Variants in SLC4A4 observed in about 807,000 individuals in gnomAD.
SLC4A4 encodes electrogenic sodium bicarbonate cotransporter 1.
Under a neutral mutation model 111.5 loss-of-function variants are expected in SLC4A4, and 27 were observed. That is an observed-to-expected ratio of 0.24 (90% CI 0.18 to 0.33). The LOEUF is 0.33. Among genes scored for constraint, SLC4A4 ranks in the 10% least tolerant of loss-of-function variants. SLC4A4 has a pLI of 1.00. For synonymous variants in SLC4A4, 443 were observed against 463.4 expected, an observed-to-expected ratio of 0.96 and a Z score of 0.57; for missense variants, 909 against 1,315.5, an observed-to-expected ratio of 0.69 and a Z score of 4.78.
intron 20 of SLC4A4, among the ~76,000 whole-genome samples, chr4:71,549,158 C>A (rs1182524106): frequency 6.6e-6 from 1 of 151,774 alleles, no homozygotes; most frequent in Non-Finnish European, 1.5e-5. Context: ...CAGAGGGAAA[C>A]CTTTTGTCAC....
chr4:71,305,596 A>T (rs1009364409), intron 3 of SLC4A4, among the ~76,000 whole-genome samples: 1 of 152,234 alleles, frequency 6.6e-6, no homozygotes, highest in Admixed American at 6.5e-5. Context: ...TAGAGCTGGG[A>T]TATGCAAAAC....
rs577023993 is a variant in SLC4A4 at position 71,461,652 on chromosome 4, A to T, written c.1498-4792A>T. Among the ~76,000 whole-genome samples, 7 of 151,994 alleles carry T rather than the reference A, an allele frequency of 4.6e-5. No individual in the cohort carries two copies. In the East Asian group the frequency reaches 1.4e-3, roughly 29 times the overall value. On this transcript the variant is annotated intron_variant, in intron 12 of 25. Coordinates refer to ENST00000264485, the MANE Select transcript of SLC4A4 (RefSeq NM_001098484.3). ...TATTACAAATTGTGGTTGGCTTTTA[A>T]TTTTTTTTAGAATCTTGCTCCTATG... is the stretch of plus-strand genomic sequence containing the variant.
chr4:71,563,797 A>G lies in SLC4A4; in HGVS notation c.3104A>G (p.Asp1035Gly). ...TCTTGTACATTTTTTTCACAGTCTG[A>G]CTGCCCATACTCAGAAAAAGTTCCA... ...GSLDSDNDDSDCPYSEKVPSI... is the reference protein window; with the variant it reads ...GSLDSDNDDSGCPYSEKVPSI... Residue 1035 changes from aspartate to glycine, a missense_variant, in exon 24 of 26, where the codon GAC becomes GGC. Physicochemically the swap from Asp to Gly is moderately conservative, Grantham distance 94. Transcript: ENST00000264485. 6.3e-7 allele frequency: 1 copy of G among 1,599,754 alleles called. No homozygotes were observed. The highest frequency in any genetic ancestry group is 8.6e-7 in the Non-Finnish European group (1 of 1,167,658).
At chr4:71,487,103 CT>C in intron 15 of SLC4A4, 85 bp downstream of exon 15, 1 of 817,316 alleles carries the variant, frequency 1.2e-6, no homozygotes, top group Non-Finnish European at 2.1e-6. Flanking sequence ...ATGATGTCTT[CT>C]ACCACTCAGC....
At chr4:71,165,658 C>A (rs989954744) in intron 2 of SLC4A4, among the ~76,000 whole-genome samples, 4 of 152,090 alleles carry the variant, frequency 2.6e-5, no homozygotes, top group Non-Finnish European at 4.4e-5. Context: ...AGCTATGTAA[C>A]AAACCTGCAC....
intron 7 of SLC4A4, among the ~76,000 whole-genome samples, chr4:71,423,516 A>T (rs1179015581): frequency 1.3e-5 from 2 of 152,338 alleles, no homozygotes; most frequent in East Asian, 3.9e-4. Flanking sequence ...GAACCAAAAA[A>T]GAGCCCGCAT....
At chr4:71,552,081 T>G (rs1736042125) in intron 20 of SLC4A4, among the ~76,000 whole-genome samples, 1 of 151,912 alleles carries the variant, frequency 6.6e-6, no homozygotes, top group African/African-American at 2.4e-5. Context: ...AGCAGGCTTC[T>G]TGACTTGCCA....
intron 2 of SLC4A4, among the ~76,000 whole-genome samples, chr4:71,118,230 C>A (rs1743324858): frequency 6.6e-6 from 1 of 152,162 alleles, no homozygotes; most frequent in Non-Finnish European, 1.5e-5. Flanking sequence ...ACCTTAACTG[C>A]ATTTGGATAT....
At chr4:71,228,041 G>C (rs552296538) in intron 1 of SLC4A4, among the ~76,000 whole-genome samples, 2 of 152,264 alleles carry the variant, frequency 1.3e-5, no homozygotes, top group South Asian at 4.1e-4. Flanking sequence ...TGTGAGTGTA[G>C]GCTAAGTCAG....
intron 2 of SLC4A4, among the ~76,000 whole-genome samples, chr4:71,106,668 C>G (rs1449710292): frequency 6.9e-6 from 1 of 145,464 alleles, no homozygotes; most frequent in Non-Finnish European, 1.5e-5. Context: ...TAAACTATTG[C>G]AAGAACAAAA....
chr4:71,228,943 CTCTG>C (rs1193893623), intron 1 of SLC4A4, among the ~76,000 whole-genome samples: 1 of 152,206 alleles, frequency 6.6e-6, no homozygotes, highest in Non-Finnish European at 1.5e-5. Context: ...TCTCTCTCTT[CTCTG>C]TCTGTATTAA....
At chr4:71,166,081 A>C (rs1022738355) in intron 2 of SLC4A4, among the ~76,000 whole-genome samples, 1 of 152,214 alleles carries the variant, frequency 6.6e-6, no homozygotes, top group African/African-American at 2.4e-5. Flanking sequence ...AAGGGTAATA[A>C]GATCTTATTG....
chr4:71,567,597 A>G (rs1363661542), intron 25 of SLC4A4, among the ~76,000 whole-genome samples, 191 bp from the exon 26 acceptor site: 1 of 151,572 alleles, frequency 6.6e-6, no homozygotes, highest in Non-Finnish European at 1.5e-5. Context: ...GAATTTTTTT[A>G]CTTGAATTTC....
intron 6 of SLC4A4, among the ~76,000 whole-genome samples, chr4:71,393,095 C>T (rs1196032912): frequency 6.6e-6 from 1 of 152,022 alleles, no homozygotes; most frequent in African/African-American, 2.4e-5. Flanking sequence ...GCATTCCCTC[C>T]AAAACCTGGA....
intron 3 of SLC4A4, among the ~76,000 whole-genome samples, chr4:71,272,307 A>G (rs1722757150): frequency 6.6e-6 from 1 of 152,136 alleles, no homozygotes; most frequent in South Asian, 2.1e-4. Flanking sequence ...ATTGAATATT[A>G]AGCACTTTAT....
rs114887295 is a variant in SLC4A4 at position 71,476,825 on chromosome 4, G to T, written c.1903+3855G>T. ...AGTAGGAAAATCAGTCAGAAAGTTT[G>T]ACATATGTGAGTGGATACATGCCAT... On this transcript the variant is annotated intron_variant, in intron 14 of 25. Transcript: ENST00000264485. Among the ~76,000 whole-genome samples, 630 of 151,810 alleles carry T rather than the reference G, an allele frequency of 4.1e-3. 3 individuals carry two copies. Among genetic ancestry groups the T allele is most frequent in the African/African-American group, 0.015 (609 of 41,492 alleles).
intron 2 of SLC4A4, among the ~76,000 whole-genome samples, chr4:71,237,587 G>C (rs1342092831): frequency 6.6e-6 from 1 of 152,144 alleles, no homozygotes; most frequent in Admixed American, 6.5e-5. Flanking sequence ...ACTTGAACCA[G>C]AAGGTGGTGG....
At chr4:71,424,439 C>T (rs1457861497) in intron 7 of SLC4A4, among the ~76,000 whole-genome samples, 1 of 151,144 alleles carries the variant, frequency 6.6e-6, no homozygotes, top group South Asian at 2.1e-4. Flanking sequence ...GTGGCGATTC[C>T]TCAGGGATCT....
intron 2 of SLC4A4, among the ~76,000 whole-genome samples, chr4:71,120,478 G>C (rs1278432515): frequency 6.6e-6 from 1 of 152,214 alleles, no homozygotes; most frequent in African/African-American, 2.4e-5. Flanking sequence ...GGGAAATCCT[G>C]CTTCTGTGCT....
Sources: allele counts gnomAD v4.1 joint callset (sites outside exome capture counted in the v4.1 genomes callset), GRCh38; gene constraint gnomAD v4.1.1; transcripts MANE v1.5; gene names NCBI Gene and HGNC (gene_info 2026-07-23, HGNC 2026-07-21).